The following CDH8 variants were observed in gnomAD, a reference collection of about 807,000 sequenced individuals.
CDH8 encodes cadherin-8.
In CDH8, 17 loss-of-function variants were observed where a neutral mutation model predicts 68.1. The observed-to-expected ratio is 0.25, with a 90% confidence interval of 0.17 to 0.37. CDH8 has a LOEUF of 0.37. CDH8 is among the 10% of genes least tolerant of loss of function. The probability of loss-of-function intolerance (pLI) is 1.00; values close to 1 mark genes in which losing one functional copy is unlikely to be tolerated. For synonymous variants in CDH8, 372 were observed against 365.1 expected, an observed-to-expected ratio of 1.02 and a Z score of -0.21; for missense variants, 763 against 999.3, an observed-to-expected ratio of 0.76 and a Z score of 3.19.
chr16:61,939,214 C>T (rs914013403), intron 2 of CDH8, among the ~76,000 whole-genome samples: 1 of 152,130 alleles, frequency 6.6e-6, no homozygotes, highest in Admixed American at 6.6e-5. Flanking sequence ...TTCTATTTAT[C>T]ACAACAATTC....
Position 61,650,047 on chromosome 16 carries a change from T to G in CDH8, c.*3561A>C, listed in dbSNP as rs1228240709. On this transcript the variant is annotated 3_prime_UTR_variant, in exon 12 of 12. Coordinates refer to ENST00000577390, the MANE Select transcript of CDH8 (RefSeq NM_001796.5). ...ATACACATACACTTAACTGCAGATT[T>G]TTTTCAAAACAGTTTCACTTTAAAG... is the stretch of plus-strand genomic sequence containing the variant. 2.0e-5 allele frequency: 3 copies of G among 152,100 alleles called. No individual in the cohort carries two copies. The highest frequency in any genetic ancestry group is 4.4e-5 in the Non-Finnish European group (3 of 68,004). The allele number at this position is 152,100 out of a possible 1,614,324, so 9.4% of individuals were successfully genotyped here. A position where few individuals can be genotyped will look rare whatever the true frequency, so the allele number is the denominator to read the frequency against.
chr16:61,791,934 C>A (rs1961388279), intron 7 of CDH8, among the ~76,000 whole-genome samples: 1 of 151,832 alleles, frequency 6.6e-6, no homozygotes, highest in African/African-American at 2.4e-5. Flanking sequence ...TTATTTATAT[C>A]CCAGGAACAG....
chr16:61,929,906 C>CA (rs1262152987), intron 2 of CDH8, among the ~76,000 whole-genome samples: 2 of 151,844 alleles, frequency 1.3e-5, no homozygotes, highest in Non-Finnish European at 1.5e-5. Flanking sequence ...CAAAACAAAA[C>CA]AAAAAAATTG....
intron 8 of CDH8, among the ~76,000 whole-genome samples, chr16:61,736,343 T>C (rs1415130845): frequency 6.6e-6 from 1 of 152,162 alleles, no homozygotes; most frequent in African/African-American, 2.4e-5. Flanking sequence ...TATTGTTTTA[T>C]ATGGCAATGA....
At chr16:61,988,272 T>C (rs1341634892) in intron 2 of CDH8, among the ~76,000 whole-genome samples, 1 of 152,190 alleles carries the variant, frequency 6.6e-6, no homozygotes, top group Admixed American at 6.5e-5. Flanking sequence ...CAGAAAGATC[T>C]TTCCTAAAAT....
At chr16:61,663,868 A>T (rs1457971393) in intron 10 of CDH8, among the ~76,000 whole-genome samples, 1 of 152,026 alleles carries the variant, frequency 6.6e-6, no homozygotes, top group Non-Finnish European at 1.5e-5. Context: ...ATAACTATAT[A>T]TATGTGTGTG....
chr16:61,735,978 C>A (rs957064764), intron 8 of CDH8, among the ~76,000 whole-genome samples: 1 of 151,840 alleles, frequency 6.6e-6, no homozygotes, highest in Non-Finnish European at 1.5e-5. Flanking sequence ...GAGGCTGAGG[C>A]AAGAGAATAG....
intron 9 of CDH8, among the ~76,000 whole-genome samples, chr16:61,724,117 T>C (rs1031268252): frequency 6.6e-6 from 1 of 150,758 alleles, no homozygotes; most frequent in African/African-American, 2.4e-5. Context: ...GTGAACCATT[T>C]CTCCCTATTT....
intron 2 of CDH8, among the ~76,000 whole-genome samples, chr16:61,956,289 A>G (rs1319151338): frequency 6.6e-6 from 1 of 152,174 alleles, no homozygotes; most frequent in African/African-American, 2.4e-5. Flanking sequence ...GCATAACAGA[A>G]GTGATATTTA....
chr16:61,946,007 G>A (rs1343764854), intron 2 of CDH8, among the ~76,000 whole-genome samples: 1 of 152,158 alleles, frequency 6.6e-6, no homozygotes, highest in Admixed American at 6.5e-5. Flanking sequence ...AGGCAGAATG[G>A]ATTTTGGCAT....
intron 2 of CDH8, 138 bp downstream of exon 2, chr16:62,021,014 G>C: frequency 2.7e-6 from 2 of 751,786 alleles, no homozygotes; most frequent in Non-Finnish European, 4.4e-6. Context: ...ATTCCTAACA[G>C]AACGACAGGT....
intron 2 of CDH8, among the ~76,000 whole-genome samples, chr16:61,979,644 G>GT (rs528627565): frequency 0.035 from 5,051 of 145,938 alleles, 184 homozygotes; most frequent in African/African-American, 0.093. Flanking sequence ...TTTGTTTTAG[G>GT]TTTTTTTTTT....
intron 9 of CDH8, 52 bp downstream of exon 9, chr16:61,727,042 T>A (rs768691738): frequency 3.8e-6 from 6 of 1,592,862 alleles, no homozygotes; most frequent in Non-Finnish European, 5.2e-6. Context: ...TAGTCAAATA[T>A]GAGACAGTTG....
intron 2 of CDH8, among the ~76,000 whole-genome samples, chr16:61,910,831 A>G (rs371962189): frequency 6.6e-6 from 1 of 152,186 alleles, no homozygotes; most frequent in Non-Finnish European, 1.5e-5. Flanking sequence ...TTCAATATAC[A>G]ACATTGATTT....
chr16:61,869,535 T>A (rs1025133228), intron 3 of CDH8, among the ~76,000 whole-genome samples: 10 of 152,162 alleles, frequency 6.6e-5, no homozygotes, highest in Admixed American at 1.3e-4. Context: ...CATGTATGAG[T>A]TCTGTTTTGT....
At chr16:61,747,581 A>AAT (rs1367981631) in intron 8 of CDH8, among the ~76,000 whole-genome samples, 9 of 152,066 alleles carry the variant, frequency 5.9e-5, no homozygotes, top group Non-Finnish European at 1.2e-4. Context: ...AAAGTGAGAA[A>AAT]ATATAGACCA....
chr16:61,941,390 C>T (rs1964722641), intron 2 of CDH8, among the ~76,000 whole-genome samples: 2 of 152,154 alleles, frequency 1.3e-5, no homozygotes, highest in Admixed American at 6.5e-5. Flanking sequence ...CATATTCTCC[C>T]TTGAAATACT....
chr16:61,859,397 C>T (rs1963109513), intron 3 of CDH8, among the ~76,000 whole-genome samples: 1 of 152,108 alleles, frequency 6.6e-6, no homozygotes, highest in Non-Finnish European at 1.5e-5. Flanking sequence ...GCCACCAAAG[C>T]TAAGCCTGGA....
At chr16:61,777,306 T>C (rs1960926082) in intron 8 of CDH8, among the ~76,000 whole-genome samples, 1 of 152,174 alleles carries the variant, frequency 6.6e-6, no homozygotes, top group Non-Finnish European at 1.5e-5. Flanking sequence ...AACCATTTGC[T>C]ATGAGCTACC....
Sources: gnomAD v4.1 joint callset for allele counts (sites outside exome capture counted in the v4.1 genomes callset) on GRCh38, gnomAD v4.1.1 for gene constraint, MANE v1.5 for transcripts, NCBI Gene and HGNC (gene_info 2026-07-23, HGNC 2026-07-21) for gene names.